BDP1: variants seen among roughly 807,000 people sequenced by gnomAD.
BDP1 encodes the protein BDP1 general transcription factor IIIB subunit, also known as transcription factor TFIIIB component B'' homolog.
BDP1 carries 169 observed loss-of-function variants against 266.6 expected under a neutral mutation model. That is an observed-to-expected ratio of 0.63 (90% CI 0.56 to 0.72). BDP1 has a LOEUF of 0.72. Ranked by LOEUF, BDP1 falls within the 30% of genes least tolerant of loss-of-function variation. BDP1 has a pLI of 0.00. For synonymous variants in BDP1, 1,090 were observed against 1,022.4 expected, an observed-to-expected ratio of 1.07 and a Z score of -1.26; for missense variants, 3,015 against 3,053.8, an observed-to-expected ratio of 0.99 and a Z score of 0.30.
intron 22 of BDP1, among the ~76,000 whole-genome samples, chr5:71,521,348 A>G (rs1765485343): frequency 1.4e-5 from 2 of 138,278 alleles, no homozygotes; most frequent in South Asian, 4.7e-4. Flanking sequence ...GCTGGAGTGC[A>G]GTGGTGCAAC....
At position 71,522,304 on chromosome 5, in the gene BDP1, G is replaced by A. The variant is rs755201458; in HGVS notation, c.5007G>A (p.Pro1669=). 1.7e-5 allele frequency: 28 copies of A among 1,612,652 alleles called. No homozygotes were observed. The highest frequency in any genetic ancestry group is 2.2e-5 in the South Asian group (2 of 90,830). The change falls in exon 23 of 39, where the codon CCG becomes CCA. Residue 1669 remains proline, a synonymous_variant. Transcript: ENST00000358731. The stretch of plus-strand genomic sequence containing the variant: ...TTCATTCTAGACATGAAAATAAACC[G>A]TATGTTCCTAGTTCAGCACAAATGA... ...TNETIRHENK[P]YVPSSAQMTR...
chr5:71,544,605 C>T (rs552668375), intron 31 of BDP1, 98 bp downstream of exon 31: 3 of 1,315,016 alleles, frequency 2.3e-6, no homozygotes, highest in South Asian at 1.5e-5. Context: ...TCTGGCCGGG[C>T]ACGGTGGCTC....
At chr5:71,532,726 G>A (rs888404371) in intron 26 of BDP1, among the ~76,000 whole-genome samples, 15 of 152,060 alleles carry the variant, frequency 9.9e-5, no homozygotes, top group African/African-American at 3.1e-4. Context: ...TCCATTATTG[G>A]TATTTATTTG....
intron 25 of BDP1, among the ~76,000 whole-genome samples, chr5:71,528,764 T>G (rs1049847592): frequency 1.3e-5 from 2 of 152,188 alleles, no homozygotes; most frequent in African/African-American, 4.8e-5. Context: ...TTTCTTACAA[T>G]TCAAAGTAAA....
chr5:71,513,308 A>G lies in BDP1; in HGVS notation c.4371A>G (p.Ser1457=), dbSNP rs375419362. ...RAALKRETTE[S]EKYIYEKKSE... ...CTTTGAAGAGAGAGACTACAGAATCAGAAAAATATATATATGAGAAGAAAT... is the reference window on the plus strand; with the variant it reads ...CTTTGAAGAGAGAGACTACAGAATCGGAAAAATATATATATGAGAAGAAAT... Residue 1457 remains serine, a synonymous_variant, in exon 19 of 39, where the codon TCA becomes TCG. Coordinates refer to ENST00000358731, the MANE Select transcript of BDP1 (RefSeq NM_018429.3). 3.1e-5 allele frequency: 50 copies of G among 1,610,426 alleles called. No homozygotes were observed. The highest frequency in any genetic ancestry group is 5.0e-5 in the Admixed American group (3 of 59,846).
chr5:71,549,498 A>G lies in BDP1; in HGVS notation c.6887A>G (p.Asn2296Ser). 1 of 1,614,034 alleles carries G rather than the reference A, an allele frequency of 6.2e-7. No individual in the cohort carries two copies. The highest frequency in any genetic ancestry group is 2.2e-5 in the East Asian group (1 of 44,878). The change falls in exon 34 of 39, where the codon AAT (asparagine) becomes AGT (serine). Residue 2296 changes from asparagine (N) to serine (S), a missense_variant. Coordinates refer to ENST00000358731, the MANE Select transcript of BDP1 (RefSeq NM_018429.3). The part of the protein sequence containing the change: ...FILTLVEIPA[N>S]AVEEFTDATA... ...TTAACTCTGGTGGAAATCCCAGCCA[A>G]TGCAGTAGAAGAATTTACTGATGCC... is the stretch of plus-strand genomic sequence containing the variant.
rs1580105293 is a variant in BDP1, at chr5:71,509,784, A to G, written c.2692A>G (p.Met898Val). 1 of 1,614,080 alleles carries G rather than the reference A, an allele frequency of 6.2e-7. No individual in the cohort carries two copies. Among genetic ancestry groups the G allele is most frequent in the African/African-American group, 1.3e-5 (1 of 74,942 alleles). The change falls in exon 17 of 39, where the codon ATG becomes GTG. Residue 898 changes from methionine (M) to valine (V), a missense_variant. Physicochemically the swap from Met to Val is conservative, Grantham distance 21 (BLOSUM62 1). This residue lies in a region of BDP1 where 2,383 missense variants were observed against 2,404.9 expected (regional missense o/e 0.99). Transcript: ENST00000358731. ...ILDVIDDTIE[M>V]ETGLKAMGRE... ...AGATGTGATTGATGACACCATAGAA[A>G]TGGAGACAGGTCTGAAAGCAATGGG...
At chr5:71,544,326 G>A (rs763217878) in intron 30 of BDP1, 31 bp from the exon 31 acceptor site, 60 of 1,591,500 alleles carry the variant, frequency 3.8e-5, no homozygotes, top group Non-Finnish European at 4.9e-5. Context: ...TATTATTTTG[G>A]TCTATATCGT....
chr5:71,494,001 GTAATGT>G (rs1763739421), intron 11 of BDP1, among the ~76,000 whole-genome samples: 1 of 152,154 alleles, frequency 6.6e-6, no homozygotes, highest in Non-Finnish European at 1.5e-5. Context: ...AAATATCTTT[GTAATGT>G]GAAGGCCTCA....
At chr5:71,492,823 G>A (rs1205170552) in intron 11 of BDP1, among the ~76,000 whole-genome samples, 1 of 152,134 alleles carries the variant, frequency 6.6e-6, no homozygotes, top group Non-Finnish European at 1.5e-5. Context: ...CAAACTTAAA[G>A]CTGTTTACTA....
chr5:71,514,924 A>T lies in BDP1; in HGVS notation c.4471-20A>T, dbSNP rs574019818. 18 of 1,558,350 alleles carry T rather than the reference A, an allele frequency of 1.2e-5. No homozygotes were observed. Among genetic ancestry groups the T allele is most frequent in the African/African-American group, 4.2e-5 (3 of 71,888 alleles). ...TATACTTTTAGCAACTGTGAATGAAATTTTTTTTCTGTCTTCTAGGATGAA... is the reference window on the plus strand; with the variant it reads ...TATACTTTTAGCAACTGTGAATGAATTTTTTTTTCTGTCTTCTAGGATGAA... On this transcript the variant is annotated intron_variant, in intron 19 of 38. Transcript: ENST00000358731.
chr5:71,460,419 A>G (rs1291480895), intron 2 of BDP1, among the ~76,000 whole-genome samples: 1 of 152,210 alleles, frequency 6.6e-6, no homozygotes, highest in Non-Finnish European at 1.5e-5. Context: ...TGTCATGAAA[A>G]TAGTAAGTGT....
the BDP1 span, among the ~76,000 whole-genome samples, chr5:71,574,524 A>G: frequency 3.9e-5 from 6 of 152,226 alleles, no homozygotes; most frequent in East Asian, 1.2e-3. Context: ...CGCTAGAGAA[A>G]GAATCATGTT....
rs548378165 is a variant in BDP1 at position 71,460,573 on chromosome 5, C to T, written c.490-1244C>T. Among the ~76,000 whole-genome samples, 46 of 152,178 alleles carry T rather than the reference C, an allele frequency of 3.0e-4. No homozygotes were observed. In the East Asian group the frequency reaches 8.7e-3, roughly 29 times the overall value. On this transcript the variant is annotated intron_variant, in intron 2 of 38. Coordinates refer to ENST00000358731, the MANE Select transcript of BDP1 (RefSeq NM_018429.3). ...GTGAAGTAGATATCACTGTTTCACACAGGAGAAAACAAGCTTTCAATTTAT... is the reference window on the plus strand; with the variant it reads ...GTGAAGTAGATATCACTGTTTCACATAGGAGAAAACAAGCTTTCAATTTAT...
intron 7 of BDP1, among the ~76,000 whole-genome samples, chr5:71,479,112 G>A (rs948443525): frequency 4.0e-5 from 6 of 151,666 alleles, no homozygotes; most frequent in Non-Finnish European, 7.4e-5. Context: ...GTGCGATCTC[G>A]GCTCACTGCA....
intron 23 of BDP1, 39 bp downstream of exon 23, chr5:71,522,529 C>T: frequency 6.7e-7 from 1 of 1,485,464 alleles, no homozygotes; most frequent in Non-Finnish European, 9.2e-7. Context: ...TTTTTTTTCT[C>T]AATGAGGTCT....
chr5:71,538,247 A>G (rs1311467161), intron 26 of BDP1, among the ~76,000 whole-genome samples: 1 of 152,132 alleles, frequency 6.6e-6, no homozygotes, highest in African/African-American at 2.4e-5. Context: ...GTCCATATTC[A>G]TAATAGATAT....
intron 7 of BDP1, among the ~76,000 whole-genome samples, chr5:71,480,489 C>T (rs1762884758): frequency 6.6e-6 from 1 of 151,588 alleles, no homozygotes; most frequent in Admixed American, 6.6e-5. Flanking sequence ...AGGCTGGTCT[C>T]GAACTCCTGA....
At chr5:71,518,299 C>G (rs1765326477) in intron 22 of BDP1, among the ~76,000 whole-genome samples, 1 of 152,128 alleles carries the variant, frequency 6.6e-6, no homozygotes, top group African/African-American at 2.4e-5. Context: ...TTTCAGCTTC[C>G]TTTAATTAGG....
Sources: gnomAD v4.1 joint callset for allele counts (sites outside exome capture counted in the v4.1 genomes callset) on GRCh38, gnomAD v4.1.1 for gene constraint, gnomAD v4.1.1 regional missense constraint, MANE v1.5 for transcripts, NCBI Gene and HGNC (gene_info 2026-07-23, HGNC 2026-07-21) for gene names.